Variants in NHSL3 observed in about 807,000 individuals in gnomAD.
The protein encoded by NHSL3 is NHS like 3.
chr1:32,753,950 C>CGGGGGCGTGGTCGAGCTGGGGCT, the NHSL3 span: 1 of 306,304 alleles, frequency 3.3e-6, no homozygotes, highest in Non-Finnish European at 6.2e-6. Flanking sequence ...CCGCAGAGCT[C>CGGGGGCGTGGTCGAGCTGGGGCT]GGGGGCGTGG....
chr1:32,750,363 C>T, the NHSL3 span, among the ~76,000 whole-genome samples: 1 of 152,216 alleles, frequency 6.6e-6, no homozygotes, highest in African/African-American at 2.4e-5. Context: ...GACAGCTCAG[C>T]TCACAGAGGA....
chr1:32,758,652 C>T, the NHSL3 span, among the ~76,000 whole-genome samples: 1 of 151,968 alleles, frequency 6.6e-6, no homozygotes, highest in Admixed American at 6.6e-5. Context: ...CCCCAGGCCC[C>T]GACTCAAGGA....
chr1:32,764,595 G>A, the NHSL3 span, among the ~76,000 whole-genome samples: 15 of 152,048 alleles, frequency 9.9e-5, no homozygotes, highest in African/African-American at 3.4e-4. Context: ...GGCCTCCCGA[G>A]TAGCTGAGAT....
chr1:32,747,845 G>A, the NHSL3 span, among the ~76,000 whole-genome samples: 7 of 152,104 alleles, frequency 4.6e-5, no homozygotes, highest in African/African-American at 7.2e-5. Flanking sequence ...AGTGGCTCAC[G>A]CCTGTAATCC....
At chr1:32,762,467 C>CTT in the NHSL3 span, among the ~76,000 whole-genome samples, 2 of 142,384 alleles carry the variant, frequency 1.4e-5, no homozygotes, top group African/African-American at 5.1e-5. Context: ...TATATATTTA[C>CTT]TTTTTTTTTT....
At chr1:32,758,680 C>G in the NHSL3 span, among the ~76,000 whole-genome samples, 4 of 152,120 alleles carry the variant, frequency 2.6e-5, no homozygotes, top group African/African-American at 4.8e-5. Context: ...CACTGACCCC[C>G]CTTCCTTCTA....
At chr1:32,750,101 G>A in the NHSL3 span, among the ~76,000 whole-genome samples, 2 of 152,166 alleles carry the variant, frequency 1.3e-5, no homozygotes, top group African/African-American at 4.8e-5. Context: ...GAGGAGCAGG[G>A]ACACACACCT....
chr1:32,771,125 A>G, the NHSL3 span: 1 of 1,613,010 alleles, frequency 6.2e-7, no homozygotes, highest in Non-Finnish European at 8.5e-7. Flanking sequence ...TCTGGGCCAC[A>G]GATATTGACC....
At chr1:32,744,943 C>T in the NHSL3 span, among the ~76,000 whole-genome samples, 6 of 151,394 alleles carry the variant, frequency 4.0e-5, no homozygotes, top group Non-Finnish European at 7.4e-5. Context: ...CTGGGCAACA[C>T]GGTGAAACCC....
the NHSL3 span, chr1:32,742,004 A>T: frequency 1.3e-4 from 163 of 1,209,686 alleles, 1 homozygote; most frequent in East Asian, 5.4e-3. Flanking sequence ...GAGCCGGGGA[A>T]CCCGGGCGGC....
At chr1:32,749,939 A>G in the NHSL3 span, among the ~76,000 whole-genome samples, 1 of 152,150 alleles carries the variant, frequency 6.6e-6, no homozygotes, top group Non-Finnish European at 1.5e-5. Context: ...GGGCAGAGTG[A>G]GAGCCTCCCC....
chr1:32,769,963 C>T, the NHSL3 span: 30 of 1,606,998 alleles, frequency 1.9e-5, no homozygotes, highest in East Asian at 1.1e-4. Flanking sequence ...AGTGGACGGC[C>T]GCCCCCGAGG....
chr1:32,765,792 G>T, the NHSL3 span: 2 of 1,547,602 alleles, frequency 1.3e-6, no homozygotes, highest in African/African-American at 1.4e-5. Context: ...GTTGGCCGCC[G>T]CCTCCCGGCG....
At chr1:32,769,977 C>A in the NHSL3 span, 34 of 1,607,738 alleles carry the variant, frequency 2.1e-5, no homozygotes, top group South Asian at 3.5e-4. Context: ...CCCGAGGCAC[C>A]TCAGGGATGG....
chr1:32,771,977 CG>C, the NHSL3 span: 2 of 1,605,952 alleles, frequency 1.2e-6, no homozygotes, highest in Non-Finnish European at 1.7e-6. Flanking sequence ...CTCCATGCTG[CG>C]GTCCGACTCA....
At chr1:32,760,072 G>A in the NHSL3 span, among the ~76,000 whole-genome samples, 1,118 of 152,316 alleles carry the variant, frequency 7.3e-3, 6 homozygotes, top group Non-Finnish European at 0.013. Flanking sequence ...GTTGGGGAGC[G>A]GGGGCCTTCG....
chr1:32,769,837 C>A, the NHSL3 span: 1 of 1,610,800 alleles, frequency 6.2e-7, no homozygotes, highest in South Asian at 1.1e-5. Context: ...GAGCCTTGGT[C>A]ATCCCCTCTC....
the NHSL3 span, among the ~76,000 whole-genome samples, chr1:32,755,034 C>G: frequency 6.6e-6 from 1 of 152,098 alleles, no homozygotes; most frequent in Middle Eastern, 3.2e-3. Context: ...GATCCCTCCG[C>G]GGGTCACATT....
the NHSL3 span, chr1:32,771,922 G>A: frequency 3.1e-6 from 5 of 1,597,438 alleles, no homozygotes; most frequent in Non-Finnish European, 3.4e-6. Context: ...ACTGCGAAGG[G>A]CCCTGTCAGG....
Sources: allele counts gnomAD v4.1 joint callset (sites outside exome capture counted in the v4.1 genomes callset), GRCh38; gene constraint gnomAD v4.1.1; transcripts MANE v1.5; gene names NCBI Gene and HGNC (gene_info 2026-07-23, HGNC 2026-07-21).